The following VCAN variants were observed in gnomAD, a reference collection of about 807,000 sequenced individuals.
The protein encoded by VCAN is versican core protein.
Under a neutral mutation model 245.5 loss-of-function variants are expected in VCAN, and 44 were observed. That is an observed-to-expected ratio of 0.18 (90% confidence interval 0.14 to 0.23). The LOEUF (loss-of-function observed/expected upper bound fraction) is 0.23. Ranked by LOEUF, VCAN falls within the 10% of genes least tolerant of loss-of-function variation. The probability of loss-of-function intolerance (pLI) is 1.00; values close to 1 mark genes in which losing one functional copy is unlikely to be tolerated. For synonymous variants in VCAN, 1,413 were observed against 1,437.0 expected (o/e 0.98, Z 0.38); for missense variants, 3,793 against 4,057.9 (o/e 0.93, Z 1.77).
rs376593002 is a variant in VCAN, at chr5:83,490,146, T to G, written c.119T>G (p.Val40Gly). ...PPVRGSLSGK[V>G]SLPCHFSTMP... is the part of the protein sequence containing the mutation. Reference sequence around the variant, plus strand: ...GTGAGGGGCTCCCTCTCTGGAAAAGTCAGCCTACCTTGTCATTTTTCAACG... The same window carrying G: ...GTGAGGGGCTCCCTCTCTGGAAAAGGCAGCCTACCTTGTCATTTTTCAACG... The change falls in exon 3 of 15, where the codon GTC (valine) becomes GGC (glycine). Residue 40 changes from valine to glycine, a missense_variant. Coordinates refer to ENST00000265077, the MANE Select transcript of VCAN (RefSeq NM_004385.5). 1.2e-6 allele frequency: 2 copies of G among 1,614,056 alleles called. No homozygotes were observed. The highest frequency in any genetic ancestry group is 1.7e-6 in the Non-Finnish European group (2 of 1,180,036).
intron 3 of VCAN, 37 bp from the exon 4 acceptor site, chr5:83,493,509 T>C: frequency 6.2e-7 from 1 of 1,612,426 alleles, no homozygotes; most frequent in Non-Finnish European, 8.5e-7. Context: ...GTGGGAGATT[T>C]GAACAGGCTG....
At chr5:83,564,243 A>G (rs1747991639) in intron 12 of VCAN, among the ~76,000 whole-genome samples, 1 of 152,052 alleles carries the variant, frequency 6.6e-6, no homozygotes, top group Admixed American at 6.6e-5. Flanking sequence ...TTTGGGGGAC[A>G]TATTCCAAGT....
At position 83,532,278 on chromosome 5, in the gene VCAN, G is replaced by A. The variant is rs148476198; in HGVS notation, c.4004-4729G>A. 1.3e-3 allele frequency among the ~76,000 whole-genome samples: 205 copies of A among 152,144 alleles called. 1 individual carries two copies. Among genetic ancestry groups the A allele is most frequent in the Non-Finnish European group, 1.5e-3 (103 of 68,006 alleles). ...GGTGACAGGAAATGGGGATGAAGAG[G>A]TAATTTCAGAGGAAGAATAAACTAA... On this transcript the variant is annotated intron_variant, in intron 7 of 14. Transcript: ENST00000265077.
At position 83,581,153 on chromosome 5, in the gene VCAN, T is replaced by C. The variant is rs1159128218; in HGVS notation, c.*719T>C. The stretch of plus-strand genomic sequence containing the variant: ...GAAAGGCCTGAATGGAGGACTTTTC[T>C]GTAACCAGGAACATTTTTTAGGGGT... On this transcript the variant is annotated 3_prime_UTR_variant, in exon 15 of 15. Transcript: ENST00000265077. The C allele has an allele frequency of 6.5e-6, 1 of 153,256 alleles. No homozygotes were observed. Among genetic ancestry groups the C allele is most frequent in the African/African-American group, 2.4e-5 (1 of 41,440 alleles). 9.5% of individuals were successfully genotyped at this position (153,256 alleles called of 1,614,324 possible). A position where few individuals can be genotyped will look rare whatever the true frequency, so the allele number is the denominator to read the frequency against.
At chr5:83,475,971 T>C (rs1744375191) in intron 1 of VCAN, among the ~76,000 whole-genome samples, 1 of 152,246 alleles carries the variant, frequency 6.6e-6, no homozygotes, top group Non-Finnish European at 1.5e-5. Context: ...GATGTAAGTT[T>C]CTTCTTTTTC....
intron 6 of VCAN, among the ~76,000 whole-genome samples, chr5:83,518,258 C>T (rs536650808): frequency 6.6e-6 from 1 of 152,148 alleles, no homozygotes; most frequent in South Asian, 2.1e-4. Flanking sequence ...AAAAAACAAT[C>T]ATTATATAGT....
Position 83,520,513 on chromosome 5 carries a change from T to C in VCAN, c.2207T>C (p.Val736Ala), listed in dbSNP as rs769573968. The C allele has an allele frequency of 3.1e-6, 5 of 1,613,932 alleles. No individual in the cohort carries two copies. In the African/African-American group the frequency reaches 6.7e-5, roughly 22 times the overall value. Residue 736 changes from valine (V) to alanine (A), a missense_variant, in exon 7 of 15, where the codon GTT becomes GCT. Physicochemically the swap from Val to Ala is moderately conservative, Grantham distance 64. Transcript: ENST00000265077. Reference sequence around the variant, plus strand: ...ACATCTCTCTCAGAGCCAATTCATGTTACAGAGTCTTCTGTGGAAATGACC... The same window carrying C: ...ACATCTCTCTCAGAGCCAATTCATGCTACAGAGTCTTCTGTGGAAATGACC... Reference protein sequence around the residue: ...LSTSLSEPIHVTESSVEMTKS... With the variant: ...LSTSLSEPIHATESSVEMTKS...
At chr5:83,524,540 C>G (rs900683582) in intron 7 of VCAN, among the ~76,000 whole-genome samples, 1 of 11,122 alleles carries the variant, frequency 9.0e-5, no homozygotes. Flanking sequence ...ACCTGCGTAC[C>G]TACCTACCTA....
At chr5:83,482,319 A>G (rs532318341) in intron 1 of VCAN, among the ~76,000 whole-genome samples, 13 of 152,200 alleles carry the variant, frequency 8.5e-5, no homozygotes, top group African/African-American at 3.1e-4. Flanking sequence ...TTTCCCAGGG[A>G]CCCTTCACTG....
At chr5:83,575,204 A>C (rs756077471) in intron 13 of VCAN, among the ~76,000 whole-genome samples, 7 of 152,224 alleles carry the variant, frequency 4.6e-5, no homozygotes, top group Non-Finnish European at 8.8e-5. Context: ...GAGAACACTA[A>C]CATACATCAA....
At chr5:83,511,951 C>T (rs1236640073) in intron 5 of VCAN, 152 bp from the exon 6 acceptor site, 5 of 921,126 alleles carry the variant, frequency 5.4e-6, no homozygotes, top group Non-Finnish European at 8.1e-6. Flanking sequence ...GCTAAGTCAC[C>T]ATTATCTTTT....
intron 11 of VCAN, 30 bp downstream of exon 11, chr5:83,553,552 G>A: frequency 6.2e-7 from 1 of 1,613,622 alleles, no homozygotes; most frequent in Non-Finnish European, 8.5e-7. Context: ...GAGTTTCCAG[G>A]AACTTCACTT....
intron 7 of VCAN, among the ~76,000 whole-genome samples, chr5:83,533,351 A>T (rs1475240530): frequency 1.3e-5 from 2 of 152,154 alleles, no homozygotes; most frequent in Non-Finnish European, 2.9e-5. Context: ...TCCCATTAAA[A>T]TAGGAGAAAA....
chr5:83,549,506 C>G (rs919297380), intron 10 of VCAN, among the ~76,000 whole-genome samples: 3 of 152,178 alleles, frequency 2.0e-5, no homozygotes, highest in African/African-American at 7.2e-5. Flanking sequence ...AATGGCTTAA[C>G]TCTACAGCCC....
chr5:83,528,586 G>A (rs928600668), intron 7 of VCAN, among the ~76,000 whole-genome samples: 2 of 152,072 alleles, frequency 1.3e-5, no homozygotes, highest in Non-Finnish European at 2.9e-5. Flanking sequence ...GAGCTTCAGT[G>A]ATTCACACAT....
chr5:83,494,769 G>A (rs556269208), intron 5 of VCAN, among the ~76,000 whole-genome samples: 1 of 152,254 alleles, frequency 6.6e-6, no homozygotes, highest in East Asian at 1.9e-4. Context: ...CCTGGGTAAC[G>A]TGGTGAAACC....
chr5:83,524,703 T>C (rs1378902358), intron 7 of VCAN, among the ~76,000 whole-genome samples: 3 of 152,138 alleles, frequency 2.0e-5, no homozygotes, highest in Admixed American at 1.3e-4. Context: ...CCTATACTAA[T>C]ATTATTTATT....
intron 13 of VCAN, among the ~76,000 whole-genome samples, chr5:83,575,138 A>G (rs1223161260): frequency 6.6e-6 from 1 of 152,204 alleles, no homozygotes; most frequent in Non-Finnish European, 1.5e-5. Flanking sequence ...ACCATACTCT[A>G]TAAATATTTT....
At chr5:83,515,431 T>G (rs1745811435) in intron 6 of VCAN, among the ~76,000 whole-genome samples, 1 of 152,236 alleles carries the variant, frequency 6.6e-6, no homozygotes, top group African/African-American at 2.4e-5. Flanking sequence ...CACTCTCAGA[T>G]AATTTTTCTA....
Sources: gnomAD v4.1 joint callset for allele counts (sites outside exome capture counted in the v4.1 genomes callset) on GRCh38, gnomAD v4.1.1 for gene constraint, MANE v1.5 for transcripts, NCBI Gene and HGNC (gene_info 2026-07-23, HGNC 2026-07-21) for gene names.